KCNAB1: variants seen among roughly 807,000 people sequenced by gnomAD.
KCNAB1 encodes the protein potassium voltage-gated channel subfamily A regulatory beta subunit 1.
Under a neutral mutation model 64.6 loss-of-function variants are expected in KCNAB1, and 35 were observed. The observed-to-expected ratio is 0.54, with a 90% confidence interval of 0.41 to 0.72. The LOEUF is 0.72. Among genes scored for constraint, KCNAB1 ranks in the 30% least tolerant of loss-of-function variants. The pLI is 0.00. For synonymous variants in KCNAB1, 177 were observed against 183.8 expected (o/e 0.96, Z 0.30); for missense variants, 401 against 512.9 (o/e 0.78, Z 2.11).
intron 1 of KCNAB1, among the ~76,000 whole-genome samples, chr3:156,301,336 C>A (rs1189316452): frequency 6.6e-6 from 1 of 152,080 alleles, no homozygotes; most frequent in East Asian, 1.9e-4. Flanking sequence ...GCAAAGAATT[C>A]CTCTGAGGCA....
intron 1 of KCNAB1, among the ~76,000 whole-genome samples, chr3:156,248,283 A>G (rs754601070): frequency 1.3e-5 from 2 of 152,024 alleles, no homozygotes; most frequent in South Asian, 2.1e-4. Context: ...GCTTCCTTTT[A>G]TATCCTTTTT....
intron 1 of KCNAB1, among the ~76,000 whole-genome samples, chr3:156,328,284 A>C (rs1159168015): frequency 1.3e-5 from 2 of 152,130 alleles, no homozygotes; most frequent in African/African-American, 4.8e-5. Context: ...TCTATTCTAC[A>C]GGCCGTGATG....
chr3:156,143,569 G>GTTGTTTTTTTTTTTT (rs1443482013), intron 1 of KCNAB1: 1 of 281,598 alleles, frequency 3.6e-6, no homozygotes, highest in African/African-American at 2.9e-5. Context: ...TTGCATTCTT[G>GTTGTTTTTTTTTTTT]TTTTTTTTTT....
Position 156,320,846 on chromosome 3 carries a change from CTAA to C in KCNAB1, c.276-100762_276-100760del, listed in dbSNP as rs568872365. 6.0e-4 allele frequency among the ~76,000 whole-genome samples: 92 copies of C among 152,118 alleles called. 2 individuals are homozygous for C. The highest frequency in any genetic ancestry group is 5.0e-3 in the Admixed American group (77 of 15,282). Reference sequence around the variant, plus strand: ...AGATTAGAGGAGGGCATGCTATTTGCTAATAATAATGGCAGAATAAGTCAGCAC... The same window carrying C: ...AGATTAGAGGAGGGCATGCTATTTGCTAATAATGGCAGAATAAGTCAGCAC... On this transcript the variant is annotated intron_variant, in intron 1 of 13. Coordinates refer to ENST00000490337, the MANE Select transcript of KCNAB1 (RefSeq NM_172160.3).
chr3:156,237,033 G>C (rs754354464), intron 1 of KCNAB1, among the ~76,000 whole-genome samples: 18 of 152,068 alleles, frequency 1.2e-4, no homozygotes, highest in Non-Finnish European at 2.1e-4. Flanking sequence ...TAGAGACTGG[G>C]GCTAGGCTCT....
intron 1 of KCNAB1, among the ~76,000 whole-genome samples, chr3:156,255,730 T>TAAAA: frequency 6.6e-6 from 1 of 152,258 alleles, no homozygotes; most frequent in East Asian, 1.9e-4. Flanking sequence ...AGGTCCAGAG[T>TAAAA]AAATATCACC....
chr3:156,340,682 T>A (rs375370823), intron 1 of KCNAB1, among the ~76,000 whole-genome samples: 3 of 152,338 alleles, frequency 2.0e-5, no homozygotes, highest in East Asian at 3.9e-4. Context: ...ACAGCCAATG[T>A]AGGGACTTTG....
At chr3:156,489,645 T>G (rs375500655) in intron 8 of KCNAB1, among the ~76,000 whole-genome samples, 45 of 152,166 alleles carry the variant, frequency 3.0e-4, no homozygotes, top group African/African-American at 1.1e-3. Context: ...CCCTTTCCTT[T>G]TAAAAAATAA....
intron 1 of KCNAB1, among the ~76,000 whole-genome samples, chr3:156,175,543 C>T (rs1158941369): frequency 6.6e-6 from 1 of 152,210 alleles, no homozygotes; most frequent in East Asian, 1.9e-4. Flanking sequence ...GGCGTGAACC[C>T]GGGAGGCGGA....
intron 11 of KCNAB1, among the ~76,000 whole-genome samples, chr3:156,516,778 G>A (rs1022584146): frequency 6.6e-6 from 1 of 152,138 alleles, no homozygotes; most frequent in Admixed American, 6.5e-5. Flanking sequence ...AGCCATAAAG[G>A]CTTAATCCAT....
chr3:156,525,805 T>C (rs1718275097), intron 12 of KCNAB1, among the ~76,000 whole-genome samples: 1 of 152,216 alleles, frequency 6.6e-6, no homozygotes, highest in Non-Finnish European at 1.5e-5. Context: ...TGAGCCACTG[T>C]GCCCAACCAA....
intron 1 of KCNAB1, among the ~76,000 whole-genome samples, chr3:156,218,712 A>T (rs1221882093): frequency 2.0e-5 from 3 of 151,132 alleles, no homozygotes; most frequent in Non-Finnish European, 2.9e-5. Context: ...ATCACATCAC[A>T]GGACTCTTTG....
At chr3:156,291,518 C>T (rs1489313710) in intron 1 of KCNAB1, 28 of 1,074,318 alleles carry the variant, frequency 2.6e-5, no homozygotes, top group African/African-American at 3.3e-5. Context: ...GGACCGGCTC[C>T]GCGAAGGGCT....
intron 1 of KCNAB1, among the ~76,000 whole-genome samples, chr3:156,185,726 CGAT>C (rs1388504719): frequency 1.3e-5 from 2 of 151,908 alleles, no homozygotes; most frequent in Non-Finnish European, 2.9e-5. Flanking sequence ...TTCCCATCCT[CGAT>C]GATAGGAGTA....
chr3:156,480,876 T>C (rs947669392), intron 8 of KCNAB1, among the ~76,000 whole-genome samples: 2 of 152,124 alleles, frequency 1.3e-5, no homozygotes, highest in Non-Finnish European at 2.9e-5. Context: ...ACATAGTAGG[T>C]GCTCAATAAA....
chr3:156,270,051 G>T (rs1718935558), intron 1 of KCNAB1, among the ~76,000 whole-genome samples: 1 of 151,874 alleles, frequency 6.6e-6, no homozygotes, highest in Non-Finnish European at 1.5e-5. Context: ...GATTAGCTGG[G>T]ACTACAGGTG....
At chr3:156,437,913 A>AT (rs1375541311) in intron 2 of KCNAB1, among the ~76,000 whole-genome samples, 57 of 152,144 alleles carry the variant, frequency 3.7e-4, no homozygotes, top group African/African-American at 1.1e-3. Flanking sequence ...TTCTCACTGT[A>AT]CTGGGACCTC....
In KCNAB1 at chr3:156,212,483, A is replaced by G. The variant is rs114832719; in HGVS notation, c.275+91597A>G. 5.9e-3 allele frequency among the ~76,000 whole-genome samples: 903 copies of G among 152,272 alleles called. 11 individuals carry two copies. Among genetic ancestry groups the G allele is most frequent in the African/African-American group, 0.021 (862 of 41,550 alleles). ...GTGCAGGCTGTGGGCCAGGCTTTAG[A>G]GATAGCTACAATGGAGCAGAAACAG... On this transcript the variant is annotated intron_variant, in intron 1 of 13. Transcript: ENST00000490337.
intron 1 of KCNAB1, among the ~76,000 whole-genome samples, chr3:156,322,162 T>C (rs1460978620): frequency 6.6e-6 from 1 of 152,192 alleles, no homozygotes; most frequent in Non-Finnish European, 1.5e-5. Context: ...AAAGGGCAGA[T>C]TCTCCCAGCT....
Sources: allele counts gnomAD v4.1 joint callset (sites outside exome capture counted in the v4.1 genomes callset), GRCh38; gene constraint gnomAD v4.1.1; transcripts MANE v1.5; gene names NCBI Gene and HGNC (gene_info 2026-07-23, HGNC 2026-07-21).